Variants in ADAM22 observed in about 807,000 individuals in gnomAD.
ADAM22 encodes the protein disintegrin and metalloproteinase domain-containing protein 22.
Under a neutral mutation model 144.6 loss-of-function variants are expected in ADAM22, and 65 were observed. The ratio of observed to expected loss-of-function variants is 0.45; its 90% CI spans 0.37 to 0.55. The LOEUF (loss-of-function observed/expected upper bound fraction) is 0.55. ADAM22 is among the 20% of genes least tolerant of loss of function. The pLI is 0.00. For missense variants in ADAM22, 974 were observed against 1,184.9 expected, an observed-to-expected ratio of 0.82 and a Z score of 2.61; for synonymous variants, 391 against 412.6, an observed-to-expected ratio of 0.95 and a Z score of 0.63.
chr7:87,968,397 G>T (rs1473568848), intron 2 of ADAM22, among the ~76,000 whole-genome samples: 1 of 152,136 alleles, frequency 6.6e-6, no homozygotes, highest in Non-Finnish European at 1.5e-5. Context: ...GGTAGTCTGG[G>T]TGTGGTGGCT....
chr7:88,101,469 C>G (rs1234765098), intron 4 of ADAM22, among the ~76,000 whole-genome samples: 1 of 152,122 alleles, frequency 6.6e-6, no homozygotes, highest in Non-Finnish European at 1.5e-5. Context: ...CTGCCTGTGA[C>G]TTTCATAGAT....
chr7:88,045,202 G>A (rs1804290854), intron 3 of ADAM22, among the ~76,000 whole-genome samples: 2 of 151,972 alleles, frequency 1.3e-5, no homozygotes, highest in African/African-American at 4.8e-5. Context: ...ATTTTTAGTA[G>A]AGACAGGGTT....
At position 88,137,813 on chromosome 7, in the gene ADAM22, C is replaced by T. The variant is rs147610536; in HGVS notation, c.1220+1782C>T. On this transcript the variant is annotated intron_variant, in intron 14 of 31. Transcript: ENST00000413139. ...TTTTGAACTCGCAGGATATGTATAA[C>T]GAGGAAAATAAATGATAGAGGAAAT... is the stretch of plus-strand genomic sequence containing the variant. 2.9e-3 allele frequency among the ~76,000 whole-genome samples: 444 copies of T among 152,080 alleles called. 1 individual carries two copies. The highest frequency in any genetic ancestry group is 0.01 in the African/African-American group (423 of 41,462).
At chr7:87,978,541 ATACTT>A in intron 3 of ADAM22, 129 bp downstream of exon 3, 1 of 660,268 alleles carries the variant, frequency 1.5e-6, no homozygotes, top group Non-Finnish European at 2.5e-6. Flanking sequence ...ATTTTAAACT[ATACTT>A]ATTTACTGTA....
intron 3 of ADAM22, among the ~76,000 whole-genome samples, chr7:88,004,895 C>G (rs982616915): frequency 9.9e-5 from 15 of 152,052 alleles, no homozygotes; most frequent in African/African-American, 3.6e-4. Context: ...CTCTCATTTT[C>G]TTGATGGAGA....
intron 30 of ADAM22, 39 bp from the exon 31 acceptor site, chr7:88,193,077 C>CAAAA: frequency 6.2e-7 from 1 of 1,611,506 alleles, no homozygotes. Context: ...AAATGTTAGG[C>CAAAA]AATCACATGA....
At position 88,201,629 on chromosome 7, in the gene ADAM22, C is replaced by A. The variant is rs987109371; in HGVS notation, c.*5138C>A. 1.3e-5 allele frequency: 2 copies of A among 152,176 alleles called. No individual in the cohort carries two copies. The highest frequency in any genetic ancestry group is 2.9e-5 in the Non-Finnish European group (2 of 68,044). The allele number at this position is 152,176 out of a possible 1,614,324, so 9.4% of individuals were successfully genotyped here. A position where few individuals can be genotyped will look rare whatever the true frequency, so the allele number is the denominator to read the frequency against. On this transcript the variant is annotated 3_prime_UTR_variant, in exon 32 of 32. Coordinates refer to ENST00000413139, the MANE Select transcript of ADAM22 (RefSeq NM_001324418.2). ...TCCTGCCTGATGCATCCCTGTTGCA[C>A]TGTTCATAAAACCTGTATCATATGG... is the stretch of plus-strand genomic sequence containing the variant.
At chr7:88,154,414 C>T (rs1318443773) in intron 21 of ADAM22, among the ~76,000 whole-genome samples, 1 of 152,128 alleles carries the variant, frequency 6.6e-6, no homozygotes, top group Admixed American at 6.5e-5. Flanking sequence ...CCAGAAGCAC[C>T]CTTTAACTCA....
intron 3 of ADAM22, among the ~76,000 whole-genome samples, chr7:87,989,516 A>G (rs1036548663): frequency 2.0e-5 from 3 of 152,210 alleles, no homozygotes; most frequent in Non-Finnish European, 4.4e-5. Context: ...TCTCCCCTGT[A>G]TAGTATTCAT....
In ADAM22 at chr7:88,026,359, C is replaced by A. The variant is rs114311380; in HGVS notation, c.323+47947C>A. Among the ~76,000 whole-genome samples the A allele has an allele frequency of 5.2e-3, 791 of 152,244 alleles. 5 individuals are homozygous for A. Among genetic ancestry groups the A allele is most frequent in the African/African-American group, 0.018 (765 of 41,542 alleles). On this transcript the variant is annotated intron_variant, in intron 3 of 31. Coordinates refer to ENST00000413139, the MANE Select transcript of ADAM22 (RefSeq NM_001324418.2). ...GAGAGGTGCCACATACTTTTAACAA[C>A]GAGATGTCACAATAACTTATTTACC...
rs28602457 is a variant in ADAM22, at chr7:88,044,645, A to G, written c.324-30981A>G. ...GTATATTTAGTAGAGACAGGGTTTC[A>G]TTGTGTTAGCCAGGATGGTCTCGAT... On this transcript the variant is annotated intron_variant, in intron 3 of 31. Coordinates refer to ENST00000413139, the MANE Select transcript of ADAM22 (RefSeq NM_001324418.2). Among the ~76,000 whole-genome samples, 1,284 of 151,402 alleles carry G rather than the reference A, an allele frequency of 8.5e-3. 19 individuals carry two copies. Among genetic ancestry groups the G allele is most frequent in the African/African-American group, 0.03 (1,234 of 41,226 alleles).
intron 2 of ADAM22, among the ~76,000 whole-genome samples, chr7:87,976,808 G>T (rs911313060): frequency 6.6e-6 from 1 of 151,994 alleles, no homozygotes; most frequent in Non-Finnish European, 1.5e-5. Context: ...GTACCATTAT[G>T]CCTGGGGTGG....
chr7:88,079,446 C>G (rs1434368863), intron 4 of ADAM22, among the ~76,000 whole-genome samples: 3 of 152,106 alleles, frequency 2.0e-5, no homozygotes, highest in African/African-American at 4.8e-5. Context: ...AACTAACGAG[C>G]AAAATAACCA....
At chr7:88,009,792 G>T (rs182647134) in intron 3 of ADAM22, among the ~76,000 whole-genome samples, 5 of 151,994 alleles carry the variant, frequency 3.3e-5, no homozygotes, top group Non-Finnish European at 7.4e-5. Context: ...GGCATCATGG[G>T]GTGCATCCCT....
chr7:88,019,088 G>C (rs1024279717), intron 3 of ADAM22, among the ~76,000 whole-genome samples: 2 of 151,456 alleles, frequency 1.3e-5, no homozygotes, highest in Non-Finnish European at 2.9e-5. Flanking sequence ...AAAAAGTTTA[G>C]CTTCAAAACT....
chr7:88,171,623 G>T, intron 26 of ADAM22, 62 bp downstream of exon 26: 1 of 1,381,086 alleles, frequency 7.2e-7, no homozygotes, highest in South Asian at 1.4e-5. Flanking sequence ...AGCATTGTTG[G>T]AATTCATACA....
At position 88,188,874 on chromosome 7, in the gene ADAM22, T is replaced by C. The variant is rs185912836; in HGVS notation, c.2750+2173T>C. Among the ~76,000 whole-genome samples, 114 of 152,328 alleles carry C rather than the reference T, an allele frequency of 7.5e-4. 1 individual carries two copies. The highest frequency in any genetic ancestry group is 5.8e-3 in the Admixed American group (89 of 15,310). On this transcript the variant is annotated intron_variant, in intron 30 of 31. Transcript: ENST00000413139. ...GGGCAAAGGTCACCTTATTGTTTTT[T>C]GTAGAGACGGGATCTCACCATGTTG...
intron 2 of ADAM22, among the ~76,000 whole-genome samples, chr7:87,961,856 G>A (rs1317274079): frequency 6.6e-6 from 1 of 152,138 alleles, no homozygotes; most frequent in African/African-American, 2.4e-5. Flanking sequence ...TGGGGGTTGA[G>A]GAACTGTCTC....
chr7:88,086,625 C>A (rs1440158276), intron 4 of ADAM22, among the ~76,000 whole-genome samples: 1 of 152,098 alleles, frequency 6.6e-6, no homozygotes, highest in Non-Finnish European at 1.5e-5. Flanking sequence ...TCAGGGAGAA[C>A]TTTTATATGA....
Sources: allele counts gnomAD v4.1 joint callset (sites outside exome capture counted in the v4.1 genomes callset), GRCh38; gene constraint gnomAD v4.1.1; transcripts MANE v1.5; gene names NCBI Gene and HGNC (gene_info 2026-07-23, HGNC 2026-07-21).